The following SUPT3H variants were observed in gnomAD, a reference collection of about 807,000 sequenced individuals.
SUPT3H encodes SPT3 homolog, SAGA and STAGA complex component.
Under a neutral mutation model 44.3 loss-of-function variants are expected in SUPT3H, and 44 were observed. The observed-to-expected ratio is 0.99, with a 90% confidence interval of 0.78 to 1.28. The LOEUF (loss-of-function observed/expected upper bound fraction) is 1.28, where lower values mean the gene tolerates loss of function less well. Ranked by LOEUF, SUPT3H falls within the 50% of genes most tolerant of loss-of-function variation. The pLI is 0.00. For synonymous variants in SUPT3H, 124 were observed against 125.6 expected, an observed-to-expected ratio of 0.99 and a Z score of 0.09; for missense variants, 380 against 387.1, an observed-to-expected ratio of 0.98 and a Z score of 0.15.
chr6:45,166,415 C>T (rs143971522), intron 2 of SUPT3H, among the ~76,000 whole-genome samples: 4,814 of 151,834 alleles, frequency 0.032, 114 homozygotes, highest in South Asian at 0.091. Flanking sequence ...AGTGAAACCC[C>T]GTCTCTACTA....
intron 1 of SUPT3H, among the ~76,000 whole-genome samples, chr6:45,372,945 G>A (rs1039591735): frequency 1.3e-5 from 2 of 152,062 alleles, no homozygotes; most frequent in African/African-American, 4.8e-5. Flanking sequence ...AGCCTCCCAA[G>A]TAGCAGGTGC....
chr6:45,087,504 C>T (rs1013558429), intron 3 of SUPT3H, among the ~76,000 whole-genome samples: 5 of 151,528 alleles, frequency 3.3e-5, no homozygotes, highest in African/African-American at 9.7e-5. Flanking sequence ...TCTCTATAGA[C>T]TTTTGAGGGT....
At chr6:45,203,509 T>G (rs1158513030) in intron 2 of SUPT3H, among the ~76,000 whole-genome samples, 1 of 152,242 alleles carries the variant, frequency 6.6e-6, no homozygotes, top group Admixed American at 6.5e-5. Context: ...TCAATTTCAC[T>G]TCTCCCTCAC....
At chr6:45,129,923 T>G (rs1012110567) in intron 2 of SUPT3H, among the ~76,000 whole-genome samples, 1 of 152,122 alleles carries the variant, frequency 6.6e-6, no homozygotes, top group Non-Finnish European at 1.5e-5. Flanking sequence ...AAAAAGGCAG[T>G]GTTAAGACTG....
chr6:45,346,170 T>C (rs1254984706), intron 2 of SUPT3H, among the ~76,000 whole-genome samples: 1 of 142,054 alleles, frequency 7.0e-6, no homozygotes, highest in Non-Finnish European at 1.6e-5. Flanking sequence ...CTACCACCTG[T>C]CATTCTCTCA....
chr6:45,129,912 A>G (rs1318837737), intron 2 of SUPT3H, among the ~76,000 whole-genome samples: 1 of 152,170 alleles, frequency 6.6e-6, no homozygotes, highest in African/African-American at 2.4e-5. Context: ...AAACACACAC[A>G]AAAAAGGCAG....
At chr6:44,990,773 C>T (rs751100151) in intron 6 of SUPT3H, among the ~76,000 whole-genome samples, 16 of 152,110 alleles carry the variant, frequency 1.1e-4, no homozygotes, top group South Asian at 4.2e-4. Flanking sequence ...TAAAGGTATA[C>T]GGTAGTATTC....
chr6:45,214,825 G>C (rs1024618122), intron 2 of SUPT3H, among the ~76,000 whole-genome samples: 1 of 152,150 alleles, frequency 6.6e-6, no homozygotes, highest in Non-Finnish European at 1.5e-5. Flanking sequence ...CTCCAAAATA[G>C]GTAACAGAGA....
chr6:45,103,689 G>GA (rs1798898994), intron 3 of SUPT3H, among the ~76,000 whole-genome samples: 1 of 152,122 alleles, frequency 6.6e-6, no homozygotes, highest in African/African-American at 2.4e-5. Context: ...AAAGTCTTGT[G>GA]AAACAATGTC....
At chr6:44,935,536 C>T (rs1771263362) in intron 9 of SUPT3H, among the ~76,000 whole-genome samples, 1 of 152,108 alleles carries the variant, frequency 6.6e-6, no homozygotes. Flanking sequence ...TTGCAGAAAT[C>T]TCTCTGGGAT....
chr6:45,076,263 T>C (rs1209658704), intron 3 of SUPT3H, among the ~76,000 whole-genome samples: 2 of 152,148 alleles, frequency 1.3e-5, no homozygotes, highest in African/African-American at 2.4e-5. Context: ...TAATGAAAGA[T>C]TTACTTTTTT....
intron 10 of SUPT3H, among the ~76,000 whole-genome samples, chr6:44,914,886 C>A (rs566877669): frequency 6.6e-6 from 1 of 152,120 alleles, no homozygotes; most frequent in East Asian, 1.9e-4. Flanking sequence ...TCAGGAAATA[C>A]GATGTATCTT....
chr6:44,999,752 C>T (rs1189914675), intron 6 of SUPT3H, among the ~76,000 whole-genome samples: 1 of 152,024 alleles, frequency 6.6e-6, no homozygotes, highest in African/African-American at 2.4e-5. Context: ...TCTCCACATA[C>T]TAGAAGCTTT....
intron 6 of SUPT3H, among the ~76,000 whole-genome samples, chr6:44,992,196 A>G (rs1366098804): frequency 6.6e-6 from 1 of 152,208 alleles, no homozygotes; most frequent in Non-Finnish European, 1.5e-5. Flanking sequence ...AAACCCTTGA[A>G]AAGTATTTTT....
chr6:44,931,570 T>C (rs550302401), intron 10 of SUPT3H, among the ~76,000 whole-genome samples: 8 of 152,282 alleles, frequency 5.3e-5, no homozygotes, highest in African/African-American at 1.9e-4. Flanking sequence ...AAAGGATATA[T>C]TGCTTTAATC....
intron 10 of SUPT3H, among the ~76,000 whole-genome samples, chr6:44,917,240 T>C (rs951978455): frequency 1.3e-5 from 2 of 152,154 alleles, no homozygotes; most frequent in South Asian, 2.1e-4. Flanking sequence ...TGAAAAACCA[T>C]CAAAGACAGT....
rs544100310 is a variant in SUPT3H, at chr6:44,890,503, G to A, written c.912+42150C>T. Among the ~76,000 whole-genome samples, 12 of 149,566 alleles carry A rather than the reference G, an allele frequency of 8.0e-5. No individual in the cohort carries two copies. The East Asian group carries it at 1.4e-3, about 17-fold the overall frequency. On this transcript the variant is annotated intron_variant, in intron 10 of 10. Transcript: ENST00000371459. ...AAATCATCATTCTCAGTAAACTATC[G>A]CCAGAACAAAAAACCAGACACCGCA...
intron 2 of SUPT3H, among the ~76,000 whole-genome samples, chr6:45,315,914 CAGATAGACAGATAGATAGAT>C (rs1784601674): frequency 7.4e-6 from 1 of 134,738 alleles, no homozygotes; most frequent in African/African-American, 2.9e-5. Context: ...TAAAGAAGCT[CAGATAGACAGATAGATAGAT>C]AGATAGATAG....
rs764476500 is a variant in SUPT3H at position 45,258,324 on chromosome 6, T to C, written c.101+106877A>G. Among the ~76,000 whole-genome samples the C allele has an allele frequency of 4.5e-4, 69 of 152,186 alleles. 1 individual carries two copies. The highest frequency in any genetic ancestry group is 1.3e-4 in the Non-Finnish European group (9 of 68,014). ...TAAAAGTCCATTTTCTTCATTACAATGGCAATTAAATTTCAACATGAGTTT... is the reference window on the plus strand; with the variant it reads ...TAAAAGTCCATTTTCTTCATTACAACGGCAATTAAATTTCAACATGAGTTT... On this transcript the variant is annotated intron_variant, in intron 2 of 10. Transcript: ENST00000371459.
Sources: gnomAD v4.1 joint callset for allele counts (sites outside exome capture counted in the v4.1 genomes callset) on GRCh38, gnomAD v4.1.1 for gene constraint, MANE v1.5 for transcripts, NCBI Gene and HGNC (gene_info 2026-07-23, HGNC 2026-07-21) for gene names.